CNOT6: variants seen among roughly 807,000 people sequenced by gnomAD.
CNOT6 encodes CCR4-NOT transcription complex subunit 6, also known as carbon catabolite repression 4 protein.
Under a neutral mutation model 61.2 loss-of-function variants are expected in CNOT6, and 12 were observed. The observed-to-expected ratio is 0.20, with a 90% CI of 0.13 to 0.32. The LOEUF is 0.32. Ranked by LOEUF, CNOT6 falls within the 10% of genes least tolerant of loss-of-function variation. The probability of loss-of-function intolerance (pLI) is 1.00; values close to 1 mark genes in which losing one functional copy is unlikely to be tolerated. For synonymous variants in CNOT6, 225 were observed against 240.6 expected (o/e 0.94, Z 0.60); for missense variants, 405 against 663.9 (o/e 0.61, Z 4.28).
intron 2 of CNOT6, among the ~76,000 whole-genome samples, chr5:180,537,794 CTT>C (rs1758772815): frequency 8.9e-6 from 1 of 112,232 alleles, no homozygotes; most frequent in South Asian, 3.5e-4. Flanking sequence ...ATTTATTCCT[CTT>C]TCTCTCTCTT....
chr5:180,500,699 G>C (rs1461171835), intron 1 of CNOT6, among the ~76,000 whole-genome samples: 1 of 152,182 alleles, frequency 6.6e-6, no homozygotes, highest in African/African-American at 2.4e-5. Context: ...AATACTTGTT[G>C]AACAATCTAT....
intron 1 of CNOT6, among the ~76,000 whole-genome samples, chr5:180,509,536 G>A (rs998844061): frequency 6.6e-6 from 1 of 151,766 alleles, no homozygotes; most frequent in African/African-American, 2.4e-5. Context: ...CTCTGCCTCC[G>A]GGTTCAAGTA....
At chr5:180,537,412 A>G (rs1161051228) in intron 2 of CNOT6, among the ~76,000 whole-genome samples, 2 of 151,968 alleles carry the variant, frequency 1.3e-5, no homozygotes, top group Non-Finnish European at 2.9e-5. Flanking sequence ...CTTTTTTGCC[A>G]TGGGTATATC....
intron 4 of CNOT6, among the ~76,000 whole-genome samples, chr5:180,554,417 T>TA (rs33948602): frequency 2.8e-4 from 40 of 141,158 alleles, no homozygotes; most frequent in African/African-American, 4.9e-4. Flanking sequence ...GACTCTGTCT[T>TA]AAAAAAAAAA....
At chr5:180,560,412 G>A (rs1209573794) in intron 4 of CNOT6, among the ~76,000 whole-genome samples, 2 of 151,582 alleles carry the variant, frequency 1.3e-5, no homozygotes, top group South Asian at 2.1e-4. Flanking sequence ...TAGATCTGCT[G>A]GCAGCAGATT....
chr5:180,547,258 G>A (rs1331366002), intron 2 of CNOT6, among the ~76,000 whole-genome samples: 2 of 151,846 alleles, frequency 1.3e-5, no homozygotes, highest in Non-Finnish European at 2.9e-5. Flanking sequence ...TGTGCCTCAC[G>A]CCTGTATTCC....
At chr5:180,549,473 C>T (rs548369712) in intron 2 of CNOT6, among the ~76,000 whole-genome samples, 10 of 152,096 alleles carry the variant, frequency 6.6e-5, no homozygotes, top group Admixed American at 3.9e-4. Flanking sequence ...CACCGTGAAA[C>T]CCCGTCTCTA....
At chr5:180,497,904 G>A (rs752234707) in intron 1 of CNOT6, among the ~76,000 whole-genome samples, 2 of 152,010 alleles carry the variant, frequency 1.3e-5, no homozygotes, top group Non-Finnish European at 1.5e-5. Flanking sequence ...TTAGCCAGGC[G>A]CAGTGGCACA....
intron 1 of CNOT6, among the ~76,000 whole-genome samples, chr5:180,501,321 G>T (rs1470165092): frequency 6.6e-6 from 1 of 152,198 alleles, no homozygotes; most frequent in East Asian, 1.9e-4. Flanking sequence ...ATAGGAAAGA[G>T]TTGAGTATGA....
chr5:180,531,412 G>A (rs991655361), intron 2 of CNOT6, among the ~76,000 whole-genome samples: 2 of 149,442 alleles, frequency 1.3e-5, no homozygotes, highest in African/African-American at 2.5e-5. Context: ...GGCGCTCCCC[G>A]CATCTCAGAC....
At chr5:180,536,411 T>C (rs963580254) in intron 2 of CNOT6, among the ~76,000 whole-genome samples, 13 of 152,124 alleles carry the variant, frequency 8.5e-5, no homozygotes, top group Admixed American at 7.9e-4. Context: ...TAATTATCAT[T>C]ATTATTATTT....
intron 4 of CNOT6, among the ~76,000 whole-genome samples, chr5:180,558,037 G>T (rs1228776172): frequency 6.6e-6 from 1 of 152,136 alleles, no homozygotes; most frequent in African/African-American, 2.4e-5. Flanking sequence ...TCTGTTTCTG[G>T]ATTTTTTATT....
intron 1 of CNOT6, among the ~76,000 whole-genome samples, chr5:180,503,699 G>C (rs921581425): frequency 3.4e-5 from 5 of 146,510 alleles, no homozygotes; most frequent in African/African-American, 1.0e-4. Context: ...TCTGCATCCC[G>C]GGTTCAAGCG....
At chr5:180,548,389 C>G (rs994443890) in intron 2 of CNOT6, among the ~76,000 whole-genome samples, 2 of 152,174 alleles carry the variant, frequency 1.3e-5, no homozygotes, top group African/African-American at 2.4e-5. Flanking sequence ...ATGTGTCGAT[C>G]AATACCCTGT....
chr5:180,496,589 C>T (rs186530825), intron 1 of CNOT6, among the ~76,000 whole-genome samples: 1 of 152,218 alleles, frequency 6.6e-6, no homozygotes, highest in Admixed American at 6.5e-5. Flanking sequence ...GTAATCCCAG[C>T]GCTTTGGGAG....
chr5:180,568,523 A>G (rs955387484), intron 9 of CNOT6, among the ~76,000 whole-genome samples: 1 of 151,664 alleles, frequency 6.6e-6, no homozygotes, highest in Non-Finnish European at 1.5e-5. Flanking sequence ...CTGCACTCCA[A>G]CCTGGGTGAC....
chr5:180,511,670 T>C (rs1581477678), intron 1 of CNOT6, among the ~76,000 whole-genome samples: 1 of 152,034 alleles, frequency 6.6e-6, no homozygotes, highest in East Asian at 1.9e-4. Context: ...GAGGCTGAGA[T>C]GGGAGGACCG....
chr5:180,551,396 G>C (rs570115303), intron 3 of CNOT6, among the ~76,000 whole-genome samples: 1 of 152,064 alleles, frequency 6.6e-6, no homozygotes, highest in Non-Finnish European at 1.5e-5. Flanking sequence ...GAAAAGAAAT[G>C]GTCATTGCTA....
chr5:180,517,744 A>C lies in CNOT6; in HGVS notation c.-2-11531A>C, dbSNP rs938375245. Among the ~76,000 whole-genome samples the C allele has an allele frequency of 4.0e-5, 6 of 151,588 alleles. No homozygotes were observed. In the Admixed American group the frequency reaches 4.0e-4, roughly 10 times the overall value. On this transcript the variant is annotated intron_variant, in intron 1 of 11. Transcript: ENST00000261951. The stretch of plus-strand genomic sequence containing the variant: ...TTTTTAGTGGAGATGGGGTTTCACC[A>C]TGTTGGCTAGGCTGGTTTCAATTTC...
Sources: gnomAD v4.1 joint callset for allele counts (sites outside exome capture counted in the v4.1 genomes callset) on GRCh38, gnomAD v4.1.1 for gene constraint, MANE v1.5 for transcripts, NCBI Gene and HGNC (gene_info 2026-07-23, HGNC 2026-07-21) for gene names.